Variants in COLGALT2 observed in about 807,000 individuals in gnomAD.
COLGALT2 encodes procollagen galactosyltransferase 2.
A neutral mutation model predicts 73.4 loss-of-function variants in COLGALT2; 49 were observed. That is an observed-to-expected ratio of 0.67 (90% CI 0.53 to 0.85). The LOEUF is 0.85. COLGALT2 is among the 40% of genes least tolerant of loss of function. The probability of loss-of-function intolerance (pLI) is 0.00; values close to 1 mark genes in which losing one functional copy is unlikely to be tolerated. For synonymous variants in COLGALT2, 295 were observed against 307.6 expected (o/e 0.96, Z 0.43); for missense variants, 722 against 790.2 (o/e 0.91, Z 1.03).
chr1:184,003,761 T>C (rs1476501827), intron 1 of COLGALT2, among the ~76,000 whole-genome samples: 1 of 152,176 alleles, frequency 6.6e-6, no homozygotes, highest in Non-Finnish European at 1.5e-5. Context: ...TCTATTACCA[T>C]GTACATACAT....
At chr1:183,999,288 C>T (rs1418249530) in intron 1 of COLGALT2, among the ~76,000 whole-genome samples, 1 of 152,064 alleles carries the variant, frequency 6.6e-6, no homozygotes, top group Non-Finnish European at 1.5e-5. Context: ...TAATGTTGAG[C>T]TAACTTTCCA....
chr1:183,976,826 G>C (rs1018648763), intron 2 of COLGALT2, among the ~76,000 whole-genome samples: 5 of 152,176 alleles, frequency 3.3e-5, no homozygotes, highest in Admixed American at 6.5e-5. Flanking sequence ...CAATACAATT[G>C]TTGAGACAAA....
intron 1 of COLGALT2, among the ~76,000 whole-genome samples, chr1:183,978,739 C>A (rs1671275200): frequency 6.6e-6 from 1 of 152,152 alleles, no homozygotes; most frequent in Non-Finnish European, 1.5e-5. Flanking sequence ...TAAAACAGGG[C>A]TCAGCCAATT....
At chr1:184,036,282 G>A (rs10797936) in intron 1 of COLGALT2, among the ~76,000 whole-genome samples, 30,573 of 152,218 alleles carry the variant, frequency 0.2, 3,365 homozygotes, top group East Asian at 0.47. Context: ...CTACAAGGTG[G>A]GGCGGGCAGG....
intron 1 of COLGALT2, among the ~76,000 whole-genome samples, chr1:184,035,768 G>T (rs1310733220): frequency 1.3e-5 from 2 of 150,930 alleles, no homozygotes; most frequent in Non-Finnish European, 3.0e-5. Context: ...TTTTGGTACC[G>T]AAGTGGTTAA....
intron 1 of COLGALT2, among the ~76,000 whole-genome samples, chr1:184,033,076 A>G (rs1649565769): frequency 6.6e-6 from 1 of 152,244 alleles, no homozygotes; most frequent in African/African-American, 2.4e-5. Context: ...CTGTAATTAC[A>G]TAGCAGTTAC....
intron 1 of COLGALT2, among the ~76,000 whole-genome samples, chr1:184,014,067 A>G (rs535215551): frequency 7.2e-5 from 11 of 152,210 alleles, no homozygotes; most frequent in South Asian, 6.2e-4. Context: ...ATGTCAGGAG[A>G]TCTCTAGGTC....
At chr1:184,010,639 C>A (rs1406458883) in intron 1 of COLGALT2, among the ~76,000 whole-genome samples, 1 of 152,188 alleles carries the variant, frequency 6.6e-6, no homozygotes, top group Non-Finnish European at 1.5e-5. Context: ...GAGTGAAGGA[C>A]AATCTCCTAG....
At chr1:183,945,959 C>T (rs1461169894) in intron 8 of COLGALT2, 2 of 165,488 alleles carry the variant, frequency 1.2e-5, no homozygotes, top group African/African-American at 4.8e-5. Context: ...CTAATCCTAA[C>T]CTGTTCACCC....
At position 183,936,917 on chromosome 1, in the gene COLGALT2, C is replaced by A; in HGVS notation, c.*1844G>T. On this transcript the variant is annotated 3_prime_UTR_variant, in exon 12 of 12. Coordinates refer to ENST00000361927, the MANE Select transcript of COLGALT2 (RefSeq NM_015101.4). ...GCGTCTGGTGGAAGGCAAGCTGCCT[C>A]TTGTCCTAAAGTGGGGACCCGCCCC... 8.1e-7 allele frequency: 1 copy of A among 1,231,818 alleles called. No individual in the cohort carries two copies. The highest frequency in any genetic ancestry group is 1.0e-6 in the Non-Finnish European group (1 of 988,020). The allele number at this position is 1,231,818 out of a possible 1,614,324, so 76.3% of individuals were successfully genotyped here. A position where few individuals can be genotyped will look rare whatever the true frequency, so the allele number is the denominator to read the frequency against.
At chr1:184,007,552 C>G (rs969025590) in intron 1 of COLGALT2, among the ~76,000 whole-genome samples, 3 of 152,050 alleles carry the variant, frequency 2.0e-5, no homozygotes, top group Non-Finnish European at 4.4e-5. Context: ...TCAAACGATA[C>G]ATAATACTTG....
chr1:184,002,062 A>G (rs1317678114), intron 1 of COLGALT2, among the ~76,000 whole-genome samples: 1 of 152,246 alleles, frequency 6.6e-6, no homozygotes, highest in African/African-American at 2.4e-5. Flanking sequence ...TTTGAAGATT[A>G]TGATTTTTCC....
intron 4 of COLGALT2, among the ~76,000 whole-genome samples, chr1:183,972,012 T>C (rs967327040): frequency 5.3e-5 from 8 of 152,226 alleles, no homozygotes; most frequent in African/African-American, 1.9e-4. Flanking sequence ...TATTAAACAT[T>C]TATCAGCACA....
intron 1 of COLGALT2, among the ~76,000 whole-genome samples, chr1:184,002,032 T>C (rs1019223519): frequency 1.4e-4 from 21 of 152,236 alleles, no homozygotes; most frequent in African/African-American, 4.8e-4. Context: ...CTTGCTCCTA[T>C]TTTATCTTCC....
chr1:183,933,929 T>G (rs1192790966), downstream of COLGALT2, among the ~76,000 whole-genome samples: 1 of 152,216 alleles, frequency 6.6e-6, no homozygotes, highest in Non-Finnish European at 1.5e-5. Context: ...TCCACTCTTT[T>G]TGAGGGCAGA....
At chr1:183,968,055 T>A (rs1670929989) in intron 5 of COLGALT2, among the ~76,000 whole-genome samples, 2 of 152,224 alleles carry the variant, frequency 1.3e-5, no homozygotes, top group African/African-American at 4.8e-5. Context: ...ATGTGTGAAT[T>A]GTAGCTTGAA....
At chr1:183,959,610 C>G in intron 6 of COLGALT2, among the ~76,000 whole-genome samples, 1 of 152,122 alleles carries the variant, frequency 6.6e-6, no homozygotes, top group South Asian at 2.1e-4. Context: ...ACATCCCAAT[C>G]ACCATCATGT....
intron 1 of COLGALT2, among the ~76,000 whole-genome samples, chr1:184,006,843 T>C (rs1477547133): frequency 3.3e-5 from 5 of 152,184 alleles, no homozygotes; most frequent in African/African-American, 1.2e-4. Flanking sequence ...GTATTTTCCC[T>C]CCTCTATCTT....
At chr1:183,960,076 G>A (rs1021522159) in intron 6 of COLGALT2, among the ~76,000 whole-genome samples, 1 of 152,170 alleles carries the variant, frequency 6.6e-6, no homozygotes, top group African/African-American at 2.4e-5. Flanking sequence ...TTTATGCCCA[G>A]CATCTTGAAC....
Sources: allele counts gnomAD v4.1 joint callset (sites outside exome capture counted in the v4.1 genomes callset), GRCh38; gene constraint gnomAD v4.1.1; transcripts MANE v1.5; gene names NCBI Gene and HGNC (gene_info 2026-07-23, HGNC 2026-07-21).